The following RRAGD variants were observed in gnomAD, a reference collection of about 807,000 sequenced individuals.
RRAGD encodes the protein Ras related GTP binding D.
Under a neutral mutation model 35.5 loss-of-function variants are expected in RRAGD, and 12 were observed. The ratio of observed to expected loss-of-function variants is 0.34; its 90% confidence interval spans 0.22 to 0.55. RRAGD has a LOEUF of 0.55. RRAGD is among the 20% of genes least tolerant of loss of function. RRAGD has a pLI of 0.91. For missense variants in RRAGD, 324 were observed against 490.1 expected, an observed-to-expected ratio of 0.66 and a Z score of 3.20; for synonymous variants, 155 against 178.9, an observed-to-expected ratio of 0.87 and a Z score of 1.07.
intron 2 of RRAGD, among the ~76,000 whole-genome samples, chr6:89,381,521 C>T (rs1318544637): frequency 6.6e-6 from 1 of 152,184 alleles, no homozygotes; most frequent in Non-Finnish European, 1.5e-5. Flanking sequence ...ACCACTATCC[C>T]AAGTTTAGTA....
At chr6:89,382,493 T>C (rs1163535580) in intron 2 of RRAGD, among the ~76,000 whole-genome samples, 1 of 151,082 alleles carries the variant, frequency 6.6e-6, no homozygotes, top group African/African-American at 2.4e-5. Flanking sequence ...GAGAATTCCT[T>C]GAACTCAGGA....
intron 5 of RRAGD, 150 bp downstream of exon 5, chr6:89,377,521 T>C (rs2127886656): frequency 1.5e-6 from 1 of 653,658 alleles, no homozygotes; most frequent in Non-Finnish European, 2.5e-6. Flanking sequence ...TAACTGTTAT[T>C]ATTGCATGCT....
At chr6:89,375,935 T>G (rs1024856710) in intron 5 of RRAGD, among the ~76,000 whole-genome samples, 1 of 152,228 alleles carries the variant, frequency 6.6e-6, no homozygotes. Context: ...ACTTACCACT[T>G]ACAGCTAATG....
At chr6:89,376,092 C>T (rs192493315) in intron 5 of RRAGD, among the ~76,000 whole-genome samples, 13 of 152,232 alleles carry the variant, frequency 8.5e-5, no homozygotes, top group East Asian at 1.9e-4. Context: ...TCCATTTAAA[C>T]GGTTTAAAAA....
chr6:89,394,320 A>G (rs1263345591), intron 1 of RRAGD, among the ~76,000 whole-genome samples: 1 of 152,282 alleles, frequency 6.6e-6, no homozygotes, highest in East Asian at 1.9e-4. Flanking sequence ...TAAATCAAGG[A>G]TAACAATAAA....
intron 2 of RRAGD, among the ~76,000 whole-genome samples, chr6:89,381,144 A>T (rs1769035357): frequency 6.6e-6 from 1 of 152,210 alleles, no homozygotes; most frequent in South Asian, 2.1e-4. Flanking sequence ...CACCGTCTGC[A>T]GGCCCTGTGC....
At chr6:89,402,102 T>C (rs1043395496) in intron 1 of RRAGD, among the ~76,000 whole-genome samples, 1 of 134,120 alleles carries the variant, frequency 7.5e-6, no homozygotes, top group Non-Finnish European at 1.5e-5. Context: ...GGCTAGAGTG[T>C]AGTGGTGCAA....
intron 3 of RRAGD, among the ~76,000 whole-genome samples, chr6:89,379,778 T>C (rs1366512917): frequency 1.3e-5 from 2 of 152,256 alleles, no homozygotes; most frequent in Non-Finnish European, 2.9e-5. Flanking sequence ...ATGGAAACAT[T>C]GTTTTCCTTT....
chr6:89,375,353 G>T (rs1768918034), intron 5 of RRAGD, among the ~76,000 whole-genome samples: 1 of 152,190 alleles, frequency 6.6e-6, no homozygotes, highest in Non-Finnish European at 1.5e-5. Flanking sequence ...AGTAGAAATT[G>T]ATGAGGTTTG....
At chr6:89,376,100 AAAT>A (rs1353333640) in intron 5 of RRAGD, among the ~76,000 whole-genome samples, 2 of 152,214 alleles carry the variant, frequency 1.3e-5, no homozygotes, top group Non-Finnish European at 2.9e-5. Flanking sequence ...AACGGTTTAA[AAAT>A]AATAGAATGC....
chr6:89,376,442 G>A (rs557169691), intron 5 of RRAGD, among the ~76,000 whole-genome samples: 1 of 152,138 alleles, frequency 6.6e-6, no homozygotes, highest in South Asian at 2.1e-4. Flanking sequence ...AAGGCAGAGC[G>A]TCAAGCTGTG....
In RRAGD at chr6:89,367,855, CTG is replaced by C. The variant is rs1217668867; in HGVS notation, c.*199_*200del. 2 of 417,946 alleles carry C rather than the reference CTG, an allele frequency of 4.8e-6. No individual in the cohort carries two copies. Among genetic ancestry groups the C allele is most frequent in the Admixed American group, 8.2e-5 (2 of 24,388 alleles). The allele number at this position is 417,946 out of a possible 1,614,324, so 25.9% of individuals were successfully genotyped here. ...TGAAATGACAATGGATTTCACATCA[CTG>C]TTAATATACAAGTTTTTGCTTCAAA... On this transcript the variant is annotated 3_prime_UTR_variant, in exon 7 of 7. Coordinates refer to ENST00000369415, the MANE Select transcript of RRAGD (RefSeq NM_021244.5).
intron 1 of RRAGD, among the ~76,000 whole-genome samples, chr6:89,402,735 G>A (rs1769496989): frequency 6.6e-6 from 1 of 152,216 alleles, no homozygotes; most frequent in South Asian, 2.1e-4. Flanking sequence ...AGGTAAAAAT[G>A]TGACAGGCTT....
At chr6:89,379,170 C>T (rs1005647284) in intron 4 of RRAGD, 54 bp downstream of exon 4, 4 of 895,250 alleles carry the variant, frequency 4.5e-6, no homozygotes, top group Admixed American at 4.7e-5. Context: ...TTCACTCTTG[C>T]AATGTTATTT....
At chr6:89,383,690 T>C (rs1487879790) in intron 2 of RRAGD, among the ~76,000 whole-genome samples, 1 of 152,220 alleles carries the variant, frequency 6.6e-6, no homozygotes, top group Admixed American at 6.5e-5. Context: ...CTTGCTTTCA[T>C]TCTTTTTTAT....
At chr6:89,409,924 T>C (rs1046534548) in intron 1 of RRAGD, among the ~76,000 whole-genome samples, 1 of 152,188 alleles carries the variant, frequency 6.6e-6, no homozygotes, top group Non-Finnish European at 1.5e-5. Flanking sequence ...AATATAAATA[T>C]ATTTAATCCT....
intron 1 of RRAGD, among the ~76,000 whole-genome samples, chr6:89,393,407 C>A (rs562961036): frequency 6.6e-6 from 1 of 152,274 alleles, no homozygotes; most frequent in South Asian, 2.1e-4. Flanking sequence ...AACAGCCAAG[C>A]AGATAAACTC....
chr6:89,398,032 A>G (rs1274416132), intron 1 of RRAGD, among the ~76,000 whole-genome samples: 1 of 152,170 alleles, frequency 6.6e-6, no homozygotes, highest in Non-Finnish European at 1.5e-5. Context: ...CTGTAATTGC[A>G]GCTACTTGGG....
In RRAGD at chr6:89,372,597, C is replaced by T; in HGVS notation, c.903-12G>A. 1.3e-6 allele frequency: 2 copies of T among 1,507,652 alleles called. No individual in the cohort carries two copies. Among genetic ancestry groups the T allele is most frequent in the Non-Finnish European group, 1.8e-6 (2 of 1,131,982 alleles). 93.4% of individuals were successfully genotyped at this position (1,507,652 alleles called of 1,614,324 possible). A position where few individuals can be genotyped will look rare whatever the true frequency, so the allele number is the denominator to read the frequency against. On this transcript the variant is annotated splice_polypyrimidine_tract_variant and intron_variant, in intron 5 of 6. Transcript: ENST00000369415. ...CATCTTCTTTGAGACTAAATGGGGA[C>T]AGAAACCAAAACATGTGACCATTGA... is the stretch of plus-strand genomic sequence containing the variant.
Sources: gnomAD v4.1 joint callset for allele counts (sites outside exome capture counted in the v4.1 genomes callset) on GRCh38, gnomAD v4.1.1 for gene constraint, MANE v1.5 for transcripts, NCBI Gene and HGNC (gene_info 2026-07-23, HGNC 2026-07-21) for gene names.